Variants in DENND11 observed in about 807,000 individuals in gnomAD.
The protein encoded by DENND11 is DENN domain containing 11.
In DENND11, 34 loss-of-function variants were observed where a neutral mutation model predicts 49.2. The observed-to-expected ratio is 0.69, with a 90% CI of 0.53 to 0.92. The LOEUF (loss-of-function observed/expected upper bound fraction) is 0.92. Among genes scored for constraint, DENND11 ranks in the 40% least tolerant of loss-of-function variants. The probability of loss-of-function intolerance (pLI) is 0.00; values close to 1 mark genes in which losing one functional copy is unlikely to be tolerated. For synonymous variants in DENND11, 238 were observed against 230.3 expected, an observed-to-expected ratio of 1.03 and a Z score of -0.30; for missense variants, 475 against 581.6, an observed-to-expected ratio of 0.82 and a Z score of 1.88.
intron 1 of DENND11, among the ~76,000 whole-genome samples, chr7:141,696,708 A>T (rs1798420829): frequency 6.6e-6 from 1 of 152,226 alleles, no homozygotes; most frequent in East Asian, 1.9e-4. Context: ...AAAGGCATGA[A>T]TCAAAGAGTA....
chr7:141,663,060 G>C, intron 8 of DENND11: 1 of 449,196 alleles, frequency 2.2e-6, no homozygotes. Flanking sequence ...CATTAATTAT[G>C]GTGTGATTAG....
At position 141,702,080 on chromosome 7, in the gene DENND11, G is replaced by C; in HGVS notation, c.74C>G (p.Pro25Arg). Residue 25 changes from proline to arginine, a missense_variant, in exon 1 of 9, where the codon CCG (proline) becomes CGG (arginine). Transcript: ENST00000536163. ...EGPAVSLPQAPQPQAGGWGRG... is the reference protein window; with the variant it reads ...EGPAVSLPQARQPQAGGWGRG... ...GCCCCAGCCTCCCGCCTGCGGCTGCGGGGCCTGCGGCAGGGAGACGGCGGG... is the reference window on the plus strand; with the variant it reads ...GCCCCAGCCTCCCGCCTGCGGCTGCCGGGCCTGCGGCAGGGAGACGGCGGG... The C allele has an allele frequency of 1.0e-6, 1 of 985,986 alleles. No individual in the cohort carries two copies. Among genetic ancestry groups the C allele is most frequent in the Non-Finnish European group, 1.2e-6 (1 of 831,676 alleles). 61.1% of individuals were successfully genotyped at this position (985,986 alleles called of 1,614,324 possible).
chr7:141,677,375 G>A (rs1798074056), intron 3 of DENND11, among the ~76,000 whole-genome samples: 1 of 142,710 alleles, frequency 7.0e-6, no homozygotes, highest in African/African-American at 2.6e-5. Context: ...GGGTGACAGA[G>A]CGAGACTCTT....
intron 3 of DENND11, among the ~76,000 whole-genome samples, chr7:141,684,032 ATCC>A (rs1180034798): frequency 1.3e-5 from 2 of 152,210 alleles, no homozygotes; most frequent in African/African-American, 4.8e-5. Context: ...GGCTCAAGCC[ATCC>A]TCTCACCTCA....
intron 2 of DENND11, among the ~76,000 whole-genome samples, 168 bp from the exon 3 acceptor site, chr7:141,685,804 A>G (rs1486145076): frequency 6.6e-6 from 1 of 152,204 alleles, no homozygotes; most frequent in Non-Finnish European, 1.5e-5. Context: ...TGAAGAGATT[A>G]CATAACTTGC....
chr7:141,672,324 C>A (rs1797995683), intron 4 of DENND11, among the ~76,000 whole-genome samples: 1 of 152,192 alleles, frequency 6.6e-6, no homozygotes, highest in African/African-American at 2.4e-5. Flanking sequence ...TAATTTGCTT[C>A]TAAGAAAATA....
intron 1 of DENND11, among the ~76,000 whole-genome samples, chr7:141,694,455 C>A (rs1046817378): frequency 6.6e-6 from 1 of 151,828 alleles, no homozygotes; most frequent in African/African-American, 2.4e-5. Context: ...GAGATGAGGT[C>A]TCGCCATGTT....
At chr7:141,666,873 G>A (rs1403948603) in intron 4 of DENND11, among the ~76,000 whole-genome samples, 1 of 152,174 alleles carries the variant, frequency 6.6e-6, no homozygotes, top group African/African-American at 2.4e-5. Context: ...GAAGTCACAG[G>A]TAGGAAGGAG....
At chr7:141,663,781 C>T (rs79185762) in intron 8 of DENND11, 204 of 172,384 alleles carry the variant, frequency 1.2e-3, no homozygotes, top group Middle Eastern at 0.01. Context: ...TCATTTGATT[C>T]AAGAATTAAA....
chr7:141,670,399 T>C lies in DENND11; in HGVS notation c.681+3668A>G, dbSNP rs74736410. Among the ~76,000 whole-genome samples, 401 of 152,204 alleles carry C rather than the reference T, an allele frequency of 2.6e-3. 2 individuals carry two copies. The highest frequency in any genetic ancestry group is 4.9e-3 in the Non-Finnish European group (333 of 67,996). Reference sequence around the variant, plus strand: ...ATATTCTCAGATTCAACCAACTGCATGCAGATCAAAAATATTTGGAAGAAT... The same window carrying C: ...ATATTCTCAGATTCAACCAACTGCACGCAGATCAAAAATATTTGGAAGAAT... On this transcript the variant is annotated intron_variant, in intron 4 of 8. Transcript: ENST00000536163.
chr7:141,671,228 G>A (rs1400659462), intron 4 of DENND11, among the ~76,000 whole-genome samples: 1 of 152,198 alleles, frequency 6.6e-6, no homozygotes, highest in Non-Finnish European at 1.5e-5. Flanking sequence ...CCAGGTTGGA[G>A]TGCAGTGGTG....
rs571489541 is a variant in DENND11 at position 141,683,270 on chromosome 7, A to G, written c.527+2208T>C. Among the ~76,000 whole-genome samples, 12 of 152,290 alleles carry G rather than the reference A, an allele frequency of 7.9e-5. No individual in the cohort carries two copies. The South Asian group carries it at 2.5e-3, about 32-fold the overall frequency. On this transcript the variant is annotated intron_variant, in intron 3 of 8. Coordinates refer to ENST00000536163, the MANE Select transcript of DENND11 (RefSeq NM_001080392.2). ...TATTAAAGAAGAAAAAGTTCCTAAA[A>G]TTAAAAATAAAAGAACTATCTATTG... is the stretch of plus-strand genomic sequence containing the variant.
At chr7:141,664,123 G>A (rs1797847911) in intron 8 of DENND11, 49 bp downstream of exon 8, 2 of 1,437,152 alleles carry the variant, frequency 1.4e-6, no homozygotes, top group Non-Finnish European at 1.9e-6. Context: ...GTCACTCAGT[G>A]CCGAAGGGAT....
intron 4 of DENND11, among the ~76,000 whole-genome samples, chr7:141,667,331 G>C (rs1449212274): frequency 6.6e-6 from 1 of 152,194 alleles, no homozygotes; most frequent in Non-Finnish European, 1.5e-5. Flanking sequence ...AGGAAGAGCT[G>C]AATTCCAATC....
intron 1 of DENND11, among the ~76,000 whole-genome samples, chr7:141,687,631 A>T (rs1432181705): frequency 3.5e-5 from 4 of 112,822 alleles, no homozygotes; most frequent in Non-Finnish European, 5.3e-5. Context: ...CACTCGGCTA[A>T]TTTTTTTTTT....
intron 4 of DENND11, among the ~76,000 whole-genome samples, chr7:141,667,816 A>T (rs1004645688): frequency 6.6e-6 from 1 of 152,124 alleles, no homozygotes; most frequent in African/African-American, 2.4e-5. Context: ...TCCCTTTCCA[A>T]GGCATCACTC....
chr7:141,701,993 T>A lies in DENND11; in HGVS notation c.161A>T (p.Glu54Val). Reference protein sequence around the residue: ...AEPPRRREPEEPAAPEVLLQP... With the variant: ...AEPPRRREPEVPAAPEVLLQP... ...CAGCAGCACCTCCGGGGCGGCCGGCTCCTCGGGCTCCCGCCTCCGGGGCGG... is the reference window on the plus strand; with the variant it reads ...CAGCAGCACCTCCGGGGCGGCCGGCACCTCGGGCTCCCGCCTCCGGGGCGG... Residue 54 changes from glutamate to valine, a missense_variant, in exon 1 of 9, where the codon GAG (glutamate) becomes GTG (valine). Coordinates refer to ENST00000536163, the MANE Select transcript of DENND11 (RefSeq NM_001080392.2). The A allele has an allele frequency of 8.8e-7, 1 of 1,139,570 alleles. No homozygotes were observed. The highest frequency in any genetic ancestry group is 1.1e-6 in the Non-Finnish European group (1 of 929,768). The allele number at this position is 1,139,570 out of a possible 1,614,324, so 70.6% of individuals were successfully genotyped here. A position where few individuals can be genotyped will look rare whatever the true frequency, so the allele number is the denominator to read the frequency against.
In DENND11 at chr7:141,657,079, G is replaced by T. The variant is rs1216480946; in HGVS notation, c.*5577C>A. 6.6e-6 allele frequency: 1 copy of T among 152,592 alleles called. No homozygotes were observed. The highest frequency in any genetic ancestry group is 1.5e-5 in the Non-Finnish European group (1 of 68,036). The allele number at this position is 152,592 out of a possible 1,614,324, so 9.5% of individuals were successfully genotyped here. On this transcript the variant is annotated 3_prime_UTR_variant, in exon 9 of 9. Transcript: ENST00000536163. ...TCTCTCGTATTGCTATAACTCTTAGGCTGGGGTATTAATCAAAATAGGATT... is the reference window on the plus strand; with the variant it reads ...TCTCTCGTATTGCTATAACTCTTAGTCTGGGGTATTAATCAAAATAGGATT...
At chr7:141,678,529 C>T (rs1032453957) in intron 3 of DENND11, among the ~76,000 whole-genome samples, 5 of 152,124 alleles carry the variant, frequency 3.3e-5, no homozygotes, top group Middle Eastern at 3.4e-3. Context: ...GAGAATGAAC[C>T]CCATGTATTT....
Sources: allele counts gnomAD v4.1 joint callset (sites outside exome capture counted in the v4.1 genomes callset), GRCh38; gene constraint gnomAD v4.1.1; transcripts MANE v1.5; gene names NCBI Gene and HGNC (gene_info 2026-07-23, HGNC 2026-07-21).